METTL15: variants seen among roughly 807,000 people sequenced by gnomAD.
METTL15 encodes methyltransferase 15, mitochondrial 12S rRNA N4-cytidine, also known as 12S rRNA N(4)-cytidine methyltransferase METTL15.
A neutral mutation model predicts 38.3 loss-of-function variants in METTL15; 34 were observed. The ratio of observed to expected loss-of-function variants is 0.89; its 90% CI spans 0.68 to 1.18. METTL15 has a LOEUF of 1.18. Among genes scored for constraint, METTL15 ranks in the 50% most tolerant of loss-of-function variants. METTL15 has a pLI of 0.00. For synonymous variants in METTL15, 162 were observed against 170.9 expected, an observed-to-expected ratio of 0.95 and a Z score of 0.41; for missense variants, 438 against 498.4, an observed-to-expected ratio of 0.88 and a Z score of 1.15.
At chr11:28,429,621 G>A (rs1850896869) in intron 6 of METTL15, among the ~76,000 whole-genome samples, 1 of 63,594 alleles carries the variant, frequency 1.6e-5, no homozygotes, top group African/African-American at 6.4e-5. Flanking sequence ...GGCCTCCCGA[G>A]GTGCCGGGAT....
chr11:28,369,017 G>A (rs1057091066), intron 5 of METTL15, among the ~76,000 whole-genome samples: 12 of 152,064 alleles, frequency 7.9e-5, no homozygotes, highest in Non-Finnish European at 1.2e-4. Flanking sequence ...TGGGGAGCTA[G>A]GGGAGGGATA....
At chr11:28,112,694 A>G (rs535105631) in intron 2 of METTL15, among the ~76,000 whole-genome samples, 27 of 152,208 alleles carry the variant, frequency 1.8e-4, no homozygotes, top group Non-Finnish European at 3.5e-4. Flanking sequence ...TTATACAGTC[A>G]TAGTTTAAAC....
intron 5 of METTL15, among the ~76,000 whole-genome samples, chr11:28,376,041 A>C (rs1850307288): frequency 2.6e-5 from 4 of 152,054 alleles, no homozygotes; most frequent in South Asian, 4.2e-4. Context: ...ATAGTTTGTT[A>C]TAATTTCTGT....
chr11:28,479,588 G>T (rs895253880), intron 6 of METTL15, among the ~76,000 whole-genome samples: 2 of 152,102 alleles, frequency 1.3e-5, no homozygotes, highest in African/African-American at 4.8e-5. Context: ...CATCCAGCTT[G>T]CCTGTAGTCT....
intron 3 of METTL15, among the ~76,000 whole-genome samples, chr11:28,127,196 C>T (rs1385179864): frequency 6.6e-6 from 1 of 151,998 alleles, no homozygotes; most frequent in African/African-American, 2.4e-5. Flanking sequence ...GTCCAGATTA[C>T]TTATGAGGCT....
chr11:28,262,610 TTTCTC>T (rs1319731614), intron 4 of METTL15, among the ~76,000 whole-genome samples: 1 of 152,120 alleles, frequency 6.6e-6, no homozygotes, highest in African/African-American at 2.4e-5. Flanking sequence ...AGACTAAAAA[TTTCTC>T]TTCTCACTTT....
intron 3 of METTL15, among the ~76,000 whole-genome samples, chr11:28,198,748 G>C (rs1225800768): frequency 1.3e-5 from 2 of 152,076 alleles, no homozygotes; most frequent in Non-Finnish European, 2.9e-5. Context: ...AAAAATGTTA[G>C]CTAACTATAA....
chr11:28,507,503 A>C (rs1851638749), intron 6 of METTL15, among the ~76,000 whole-genome samples: 1 of 152,056 alleles, frequency 6.6e-6, no homozygotes. Flanking sequence ...CTGTATCATC[A>C]CTTTAGACCT....
chr11:28,303,970 C>G (rs1420672240), intron 6 of METTL15, among the ~76,000 whole-genome samples: 1 of 152,066 alleles, frequency 6.6e-6, no homozygotes, highest in Non-Finnish European at 1.5e-5. Flanking sequence ...CTTCTCTGAC[C>G]CTCATTTCCT....
intron 4 of METTL15, among the ~76,000 whole-genome samples, chr11:28,271,679 A>T (rs576338024): frequency 1.3e-5 from 2 of 152,322 alleles, no homozygotes; most frequent in South Asian, 4.1e-4. Flanking sequence ...GAATAAATAT[A>T]TAGGTCAAGA....
At chr11:28,194,156 C>CTTTCTTTCTTTCTTTCT (rs1851811705) in intron 3 of METTL15, among the ~76,000 whole-genome samples, 1 of 107,722 alleles carries the variant, frequency 9.3e-6, no homozygotes, top group Non-Finnish European at 1.8e-5. Flanking sequence ...TTCTTTCTTT[C>CTTTCTTTCTTTCTTTCT]TTTCTTTCTT....
intron 6 of METTL15, among the ~76,000 whole-genome samples, chr11:28,484,399 T>C (rs1037439662): frequency 1.3e-5 from 2 of 152,178 alleles, no homozygotes; most frequent in Non-Finnish European, 2.9e-5. Flanking sequence ...GACACTGCCC[T>C]GATGTCACCC....
At position 28,330,657 on chromosome 11, in the gene METTL15, G is replaced by A; in HGVS notation, c.1040G>A (p.Arg347Lys). 1.9e-6 allele frequency: 3 copies of A among 1,551,390 alleles called. No individual in the cohort carries two copies. Among genetic ancestry groups the A allele is most frequent in the Non-Finnish European group, 2.6e-6 (3 of 1,146,780 alleles). ...SMTERFNLSVRQQVMKTSQLG... is the reference protein window; with the variant it reads ...SMTERFNLSVKQQVMKTSQLG... ...ACAGAAAGATTTAACCTAAGTGTTA[G>A]ACAACAAGTGATGAAAACATCTCAA... is the stretch of plus-strand genomic sequence containing the variant. The change falls in exon 7 of 7, where the codon AGA becomes AAA. Residue 347 changes from arginine to lysine, a missense_variant. By Grantham distance (26) the Arg-to-Lys change is conservative. Transcript: ENST00000407364.
In METTL15 at chr11:28,360,797, A is replaced by G. The variant is rs993485220; in HGVS notation, c.*259-1140A>G. On this transcript the variant is annotated intron_variant and NMD_transcript_variant, in intron 4 of 7. Coordinates refer to the METTL15 transcript ENST00000532947. ...AGCATTAGGTATATCTCCCAGTGCT[A>G]TTCCTCCCCCCTCCCCCCACCCCAC... Among the ~76,000 whole-genome samples the G allele has an allele frequency of 2.8e-5, 4 of 143,974 alleles. No homozygotes were observed. The South Asian group carries it at 9.7e-4, about 35-fold the overall frequency. 94.5% of individuals were successfully genotyped at this position (143,974 alleles called of 152,430 possible). A position where few individuals can be genotyped will look rare whatever the true frequency, so the allele number is the denominator to read the frequency against.
At chr11:28,274,518 A>G (rs755071193) in intron 4 of METTL15, among the ~76,000 whole-genome samples, 16 of 152,036 alleles carry the variant, frequency 1.1e-4, no homozygotes, top group Non-Finnish European at 1.9e-4. Flanking sequence ...TGGAGCATCA[A>G]TTTGACTTGC....
At chr11:28,158,809 G>T (rs1226900095) in intron 3 of METTL15, among the ~76,000 whole-genome samples, 1 of 152,172 alleles carries the variant, frequency 6.6e-6, no homozygotes, top group East Asian at 1.9e-4. Flanking sequence ...GAAGCAGCTG[G>T]ATTGGTAGAA....
intron 5 of METTL15, among the ~76,000 whole-genome samples, chr11:28,389,606 C>T (rs1850480319): frequency 6.6e-6 from 1 of 151,880 alleles, no homozygotes. Flanking sequence ...GTATATGTGC[C>T]ACATTTTCTT....
chr11:28,390,577 C>T (rs1363639580), intron 5 of METTL15, among the ~76,000 whole-genome samples: 1 of 152,234 alleles, frequency 6.6e-6, no homozygotes, highest in African/African-American at 2.4e-5. Context: ...TGTTCTGTTC[C>T]ATTGATCTAT....
At chr11:28,317,420 A>T (rs1359046562) in intron 6 of METTL15, among the ~76,000 whole-genome samples, 2 of 152,108 alleles carry the variant, frequency 1.3e-5, no homozygotes, top group Non-Finnish European at 2.9e-5. Flanking sequence ...ATTAAATGTG[A>T]TGGAAATTCA....
Sources: gnomAD v4.1 joint callset for allele counts (sites outside exome capture counted in the v4.1 genomes callset) on GRCh38, gnomAD v4.1.1 for gene constraint, MANE v1.5 for transcripts, NCBI Gene and HGNC (gene_info 2026-07-23, HGNC 2026-07-21) for gene names.